The following SPACA3 variants were observed in gnomAD, a reference collection of about 807,000 sequenced individuals.
SPACA3 encodes the protein sperm acrosome associated 3.
In SPACA3, 21 loss-of-function variants were observed where a neutral mutation model predicts 24.5. That is an observed-to-expected ratio of 0.86 (90% CI 0.61 to 1.24). The LOEUF (loss-of-function observed/expected upper bound fraction) is 1.24. SPACA3 is among the 50% of genes most tolerant of loss of function. The probability of loss-of-function intolerance (pLI) is 0.00; values close to 1 mark genes in which losing one functional copy is unlikely to be tolerated. For synonymous variants in SPACA3, 115 were observed against 106.9 expected, an observed-to-expected ratio of 1.08 and a Z score of -0.47; for missense variants, 278 against 275.5, an observed-to-expected ratio of 1.01 and a Z score of -0.06.
intron 2 of SPACA3, among the ~76,000 whole-genome samples, chr17:32,995,940 C>G (rs554531282): frequency 1.3e-5 from 2 of 152,308 alleles, no homozygotes; most frequent in South Asian, 4.1e-4. Context: ...TTCATTTCCC[C>G]CTGCTGCTAA....
chr17:32,992,888 G>A (rs2091698493), intron 1 of SPACA3: 2 of 471,036 alleles, frequency 4.2e-6, no homozygotes, highest in Non-Finnish European at 8.8e-6. Context: ...AGCCATCCAA[G>A]GTGTCACAGG....
chr17:32,994,367 C>T (rs1394043214), intron 1 of SPACA3, among the ~76,000 whole-genome samples: 1 of 152,106 alleles, frequency 6.6e-6, no homozygotes, highest in East Asian at 1.9e-4. Flanking sequence ...TCAGGGAGGG[C>T]CCAAAATCAG....
chr17:32,993,681 A>AG (rs11378543), intron 1 of SPACA3, among the ~76,000 whole-genome samples: 59,476 of 151,630 alleles, frequency 0.39, 13,272 homozygotes, highest in Non-Finnish European at 0.51. Flanking sequence ...AACAAGCGGG[A>AG]GGGAGAAAGT....
chr17:32,996,790 T>C lies in SPACA3; in HGVS notation c.344-53T>C, dbSNP rs2091724912. On this transcript the variant is annotated intron_variant, in intron 2 of 4. Coordinates refer to ENST00000269053, the MANE Select transcript of SPACA3 (RefSeq NM_173847.5). Reference sequence around the variant, plus strand: ...GGGACCTGTGCAGTGAGCACCCTGGTCTGGGGTGGCTGTAACCATCTGACC... The same window carrying C: ...GGGACCTGTGCAGTGAGCACCCTGGCCTGGGGTGGCTGTAACCATCTGACC... 2.8e-6 allele frequency: 4 copies of C among 1,451,984 alleles called. No individual in the cohort carries two copies. The Admixed American group carries it at 7.3e-5, about 26-fold the overall frequency. 89.9% of individuals were successfully genotyped at this position (1,451,984 alleles called of 1,614,324 possible).
intron 1 of SPACA3, chr17:32,992,995 C>T (rs750600155): frequency 2.1e-6 from 1 of 466,670 alleles, no homozygotes; most frequent in Admixed American, 2.4e-5. Flanking sequence ...ATGAAGGAAG[C>T]CAGGATGGAG....
In SPACA3 at chr17:32,995,432, TCTC is replaced by T; in HGVS notation, c.61_63del (p.Pro21del). On this transcript the variant is annotated inframe_deletion, in exon 2 of 5. Coordinates refer to ENST00000269053, the MANE Select transcript of SPACA3 (RefSeq NM_173847.5). ...AGGGGTGCACTCAAGCCCTGTTTCT[TCTC>T]CTTCTGTGAGTGGACCACGGAGGCT... is the stretch of plus-strand genomic sequence containing the variant. The T allele has an allele frequency of 6.2e-7, 1 of 1,606,850 alleles. No individual in the cohort carries two copies. Among genetic ancestry groups the T allele is most frequent in the African/African-American group, 1.3e-5 (1 of 74,884 alleles).
At chr17:32,997,138 A>T in intron 3 of SPACA3, 137 bp downstream of exon 3, 1 of 1,031,190 alleles carries the variant, frequency 9.7e-7, no homozygotes. Flanking sequence ...GGAGAGGGAG[A>T]TGGGACAAGG....
intron 1 of SPACA3, among the ~76,000 whole-genome samples, 161 bp from the exon 2 acceptor site, chr17:32,995,248 T>C (rs1567711423): frequency 6.6e-6 from 1 of 152,058 alleles, no homozygotes; most frequent in South Asian, 2.1e-4. Flanking sequence ...AATAGGTTAG[T>C]TTTCTTCCTG....
At chr17:32,992,094 G>T (rs2091693171) in intron 1 of SPACA3, 122 bp downstream of exon 1, 2 of 959,570 alleles carry the variant, frequency 2.1e-6, no homozygotes, top group South Asian at 1.5e-5. Context: ...CTGGAAGAGT[G>T]ACCAGCTGAG....
At chr17:32,996,814 C>T (rs199911868) in intron 2 of SPACA3, 29 bp from the exon 3 acceptor site, 2 of 1,481,860 alleles carry the variant, frequency 1.3e-6, no homozygotes, top group South Asian at 1.5e-5. Flanking sequence ...AACCATCTGA[C>T]CCCCAGGCCT....
intron 1 of SPACA3, among the ~76,000 whole-genome samples, chr17:32,993,724 G>C (rs968294296): frequency 7.2e-5 from 11 of 152,016 alleles, no homozygotes; most frequent in Non-Finnish European, 1.0e-4. Flanking sequence ...GGCGAGAAGA[G>C]GGGGAAAGAG....
rs1262389589 is a variant in SPACA3, at chr17:32,996,740, A to G, written c.344-103A>G. The G allele has an allele frequency of 7.7e-6, 10 of 1,294,746 alleles. No homozygotes were observed. The East Asian group carries it at 2.8e-4, about 36-fold the overall frequency. The allele number at this position is 1,294,746 out of a possible 1,614,324, so 80.2% of individuals were successfully genotyped here. On this transcript the variant is annotated intron_variant, in intron 2 of 4. Coordinates refer to ENST00000269053, the MANE Select transcript of SPACA3 (RefSeq NM_173847.5). The stretch of plus-strand genomic sequence containing the variant: ...CCTGCCCCAATCACCTTGATCAGGC[A>G]GGAGAGGCTCGGTGGAGCCAGCGTG...
intron 1 of SPACA3, 99 bp from the exon 2 acceptor site, chr17:32,995,310 C>T (rs1222158748): frequency 1.2e-5 from 14 of 1,180,208 alleles, no homozygotes; most frequent in Admixed American, 4.7e-5. Context: ...GGGCTGGTCT[C>T]GGGGTCAGGG....
intron 1 of SPACA3, among the ~76,000 whole-genome samples, chr17:32,992,289 C>T (rs1346656990): frequency 6.6e-6 from 1 of 151,426 alleles, no homozygotes; most frequent in Non-Finnish European, 1.5e-5. Context: ...CTTTCAATTG[C>T]TGAGAGGATT....
chr17:32,997,312 AGTGTGTGTGTGTGTGT>A (rs376224282), intron 3 of SPACA3, 117 bp from the exon 4 acceptor site: 3 of 511,890 alleles, frequency 5.9e-6, no homozygotes, highest in Non-Finnish European at 1.0e-5. Flanking sequence ...AGGCGAGTGG[AGTGTGTGTGTGTGTGT>A]GTGTGTGTGT....
chr17:32,997,654 C>T (rs1256642624), intron 4 of SPACA3, 58 bp from the exon 5 acceptor site: 138 of 1,575,902 alleles, frequency 8.8e-5, no homozygotes, highest in Non-Finnish European at 1.0e-4. Context: ...CTTCTCTGGG[C>T]GGTGACTGGC....
rs373135206 is a variant in SPACA3, at chr17:32,996,799, G to A, written c.344-44G>A. 67 of 1,466,942 alleles carry A rather than the reference G, an allele frequency of 4.6e-5. No individual in the cohort carries two copies. In the African/African-American group the frequency reaches 8.9e-4, roughly 19 times the overall value. 90.9% of individuals were successfully genotyped at this position (1,466,942 alleles called of 1,614,324 possible). ...GCAGTGAGCACCCTGGTCTGGGGTG[G>A]CTGTAACCATCTGACCCCCAGGCCT... On this transcript the variant is annotated intron_variant, in intron 2 of 4. Coordinates refer to ENST00000269053, the MANE Select transcript of SPACA3 (RefSeq NM_173847.5).
intron 1 of SPACA3, among the ~76,000 whole-genome samples, chr17:32,993,217 T>C (rs2091701653): frequency 6.6e-6 from 1 of 152,104 alleles, no homozygotes; most frequent in African/African-American, 2.4e-5. Context: ...GAAACAGTGG[T>C]TCTGTTTAGA....
At chr17:32,993,045 TG>T (rs1363923401) in intron 1 of SPACA3, 1 of 442,776 alleles carries the variant, frequency 2.3e-6, no homozygotes, top group Non-Finnish European at 4.6e-6. Flanking sequence ...GGAGGGAAGG[TG>T]GAATCCACAG....
Sources: gnomAD v4.1 joint callset for allele counts (sites outside exome capture counted in the v4.1 genomes callset) on GRCh38, gnomAD v4.1.1 for gene constraint, MANE v1.5 for transcripts, NCBI Gene and HGNC (gene_info 2026-07-23, HGNC 2026-07-21) for gene names.